The following AATF variants were observed in gnomAD, a reference collection of about 807,000 sequenced individuals.
AATF encodes the protein protein AATF.
In AATF, 48 loss-of-function variants were observed where a neutral mutation model predicts 63.7. That is an observed-to-expected ratio of 0.75 (90% CI 0.60 to 0.96). The LOEUF is 0.96. Among genes scored for constraint, AATF ranks in the 40% least tolerant of loss-of-function variants. The pLI, the probability that AATF is intolerant of heterozygous loss-of-function variation, is 0.00. For synonymous variants in AATF, 258 were observed against 247.7 expected (o/e 1.04, Z -0.39); for missense variants, 639 against 685.7 (o/e 0.93, Z 0.76).
At chr17:37,030,039 A>G (rs2071541121) in intron 10 of AATF, among the ~76,000 whole-genome samples, 1 of 150,824 alleles carries the variant, frequency 6.6e-6, no homozygotes, top group East Asian at 1.9e-4. Flanking sequence ...TTTTTTTTCA[A>G]TTTTCTGTAT....
intron 10 of AATF, among the ~76,000 whole-genome samples, chr17:37,021,547 T>G (rs1286281400): frequency 4.6e-5 from 7 of 152,068 alleles, no homozygotes; most frequent in Non-Finnish European, 1.0e-4. Context: ...TAGAATCACT[T>G]GAACCCGGGA....
intron 10 of AATF, among the ~76,000 whole-genome samples, chr17:37,027,483 G>A (rs1369691930): frequency 1.3e-5 from 2 of 151,700 alleles, no homozygotes; most frequent in Non-Finnish European, 2.9e-5. Context: ...GTAGTTAATA[G>A]TTATTAACTA....
At chr17:36,974,755 C>T (rs2071066986) in intron 4 of AATF, among the ~76,000 whole-genome samples, 1 of 152,064 alleles carries the variant, frequency 6.6e-6, no homozygotes, top group Non-Finnish European at 1.5e-5. Context: ...CATTTTTGCT[C>T]CCTTACATTT....
chr17:37,020,295 T>C (rs1237021975), intron 9 of AATF, among the ~76,000 whole-genome samples: 1 of 150,244 alleles, frequency 6.7e-6, no homozygotes, highest in Non-Finnish European at 1.5e-5. Context: ...ATTGTTGACT[T>C]TTTTTTTTAG....
intron 8 of AATF, among the ~76,000 whole-genome samples, chr17:37,004,005 C>T (rs1185693842): frequency 6.6e-6 from 1 of 151,890 alleles, no homozygotes; most frequent in Admixed American, 6.6e-5. Flanking sequence ...CTCAGGAGGT[C>T]GAGGCAGGAG....
At chr17:36,966,441 A>C (rs550939191) in intron 4 of AATF, among the ~76,000 whole-genome samples, 3 of 150,160 alleles carry the variant, frequency 2.0e-5, no homozygotes, top group Non-Finnish European at 4.4e-5. Context: ...ATTTAAAAAA[A>C]ATTTCTGGTA....
intron 10 of AATF, 103 bp from the exon 11 acceptor site, chr17:37,031,511 G>A: frequency 2.1e-6 from 2 of 956,310 alleles, no homozygotes; most frequent in South Asian, 2.6e-5. Context: ...GTACCCAGAT[G>A]TTCCAGTGAT....
intron 11 of AATF, among the ~76,000 whole-genome samples, chr17:37,037,922 C>G (rs1280148050): frequency 1.3e-5 from 2 of 152,188 alleles, no homozygotes; most frequent in African/African-American, 4.8e-5. Flanking sequence ...CCCACTCTCT[C>G]TCTTGCTCCT....
At chr17:36,952,054 A>G (rs73283929) in intron 2 of AATF, among the ~76,000 whole-genome samples, 2,589 of 152,354 alleles carry the variant, frequency 0.017, 82 homozygotes, top group African/African-American at 0.058. Flanking sequence ...TCTGTCTACT[A>G]TAGGATCAAG....
chr17:36,954,631 C>G (rs766194145), intron 4 of AATF, among the ~76,000 whole-genome samples: 16 of 152,142 alleles, frequency 1.1e-4, no homozygotes, highest in Admixed American at 2.0e-4. Context: ...AATTACTGAG[C>G]TATAAAGAAT....
intron 10 of AATF, 96 bp downstream of exon 10, chr17:37,021,110 G>T (rs2071466790): frequency 1.0e-5 from 9 of 893,580 alleles, no homozygotes; most frequent in Non-Finnish European, 1.3e-5. Context: ...TTCTTCTGAT[G>T]ATTCTGTTTT....
intron 11 of AATF, among the ~76,000 whole-genome samples, chr17:37,040,912 G>A (rs1408022493): frequency 2.0e-5 from 3 of 152,150 alleles, no homozygotes; most frequent in Admixed American, 6.5e-5. Context: ...TTTGAATCCT[G>A]ATCTGGTATA....
At chr17:37,034,295 T>A (rs1234146371) in intron 11 of AATF, among the ~76,000 whole-genome samples, 1 of 152,190 alleles carries the variant, frequency 6.6e-6, no homozygotes, top group Non-Finnish European at 1.5e-5. Flanking sequence ...AGTATCAAAA[T>A]TTTTAGGGCC....
At chr17:36,986,044 A>G (rs564552269) in intron 4 of AATF, among the ~76,000 whole-genome samples, 1 of 152,304 alleles carries the variant, frequency 6.6e-6, no homozygotes, top group East Asian at 1.9e-4. Context: ...GTGAACAGGA[A>G]CTTTTCCATA....
At chr17:37,047,751 G>A (rs2071705626) in intron 11 of AATF, among the ~76,000 whole-genome samples, 1 of 152,236 alleles carries the variant, frequency 6.6e-6, no homozygotes, top group Non-Finnish European at 1.5e-5. Flanking sequence ...GGAGGATGGT[G>A]ATGAGAGCAG....
chr17:36,985,463 G>C (rs1393864724), intron 4 of AATF, among the ~76,000 whole-genome samples: 1 of 141,992 alleles, frequency 7.0e-6, no homozygotes, highest in Non-Finnish European at 1.5e-5. Context: ...TTTTTTTTTG[G>C]TTAGAGCCGG....
At chr17:36,986,936 G>C (rs1016648348) in intron 5 of AATF, among the ~76,000 whole-genome samples, 1 of 152,082 alleles carries the variant, frequency 6.6e-6, no homozygotes, top group Admixed American at 6.6e-5. Flanking sequence ...TGTGCTTTGC[G>C]GTCTTAGACA....
At chr17:37,047,129 T>C (rs1451172497) in intron 11 of AATF, among the ~76,000 whole-genome samples, 1 of 152,176 alleles carries the variant, frequency 6.6e-6, no homozygotes, top group East Asian at 1.9e-4. Flanking sequence ...GTGTGATGAT[T>C]TGTCGTCTTT....
intron 4 of AATF, among the ~76,000 whole-genome samples, chr17:36,981,706 T>C (rs540174221): frequency 1.1e-4 from 16 of 141,656 alleles, no homozygotes; most frequent in African/African-American, 4.0e-4. Flanking sequence ...TCTTTTCTTT[T>C]TTTTTTTTTT....
Sources: allele counts gnomAD v4.1 joint callset (sites outside exome capture counted in the v4.1 genomes callset), GRCh38; gene constraint gnomAD v4.1.1; transcripts MANE v1.5; gene names NCBI Gene and HGNC (gene_info 2026-07-23, HGNC 2026-07-21).